The following CFAP299 variants were observed in gnomAD, a reference collection of about 807,000 sequenced individuals.
The protein encoded by CFAP299 is cilia and flagella associated protein 299, also known as cilia- and flagella-associated protein 299.
CFAP299 carries 21 observed loss-of-function variants against 27.0 expected under a neutral mutation model. That is an observed-to-expected ratio of 0.78 (90% CI 0.55 to 1.12). CFAP299 has a LOEUF of 1.12. Among genes scored for constraint, CFAP299 ranks in the 50% most tolerant of loss-of-function variants. The pLI is 0.00. For synonymous variants in CFAP299, 104 were observed against 98.1 expected (o/e 1.06, Z -0.36); for missense variants, 310 against 276.6 (o/e 1.12, Z -0.86).
chr4:80,615,204 A>G (rs951337074), intron 3 of CFAP299, among the ~76,000 whole-genome samples: 2 of 152,188 alleles, frequency 1.3e-5, no homozygotes, highest in African/African-American at 2.4e-5. Flanking sequence ...TTAGTTTAGT[A>G]GACTTTAGGA....
chr4:80,486,690 C>A (rs1478481162), intron 2 of CFAP299, among the ~76,000 whole-genome samples: 1 of 152,220 alleles, frequency 6.6e-6, no homozygotes, highest in Non-Finnish European at 1.5e-5. Flanking sequence ...GTACACCCTA[C>A]CTGAAGGTTG....
intron 3 of CFAP299, among the ~76,000 whole-genome samples, chr4:80,863,678 A>G (rs1732521494): frequency 6.6e-6 from 1 of 152,110 alleles, no homozygotes. Context: ...TTGCCAATAA[A>G]TAGATCCGTA....
intron 3 of CFAP299, among the ~76,000 whole-genome samples, chr4:80,734,255 T>C (rs1044952467): frequency 2.6e-5 from 4 of 152,212 alleles, no homozygotes; most frequent in Admixed American, 6.5e-5. Context: ...GCTTGCCATT[T>C]GTATGACTTC....
intron 3 of CFAP299, 55 bp downstream of exon 3, chr4:80,583,238 A>T: frequency 1.0e-6 from 1 of 1,001,798 alleles, no homozygotes. Context: ...CACAATTAAT[A>T]TTAAAAAATG....
intron 3 of CFAP299, among the ~76,000 whole-genome samples, chr4:80,768,947 A>T (rs1726051736): frequency 6.6e-6 from 1 of 152,186 alleles, no homozygotes. Context: ...GGACTGACTG[A>T]TGCTGTCTGA....
At chr4:80,501,709 AAG>A (rs1307266071) in intron 2 of CFAP299, among the ~76,000 whole-genome samples, 1 of 151,586 alleles carries the variant, frequency 6.6e-6, no homozygotes, top group African/African-American at 2.4e-5. Flanking sequence ...ACACAGAAAA[AAG>A]TTTCTACAGT....
chr4:80,940,642 G>C (rs1182169005), intron 4 of CFAP299, among the ~76,000 whole-genome samples: 4 of 152,134 alleles, frequency 2.6e-5, no homozygotes, highest in Non-Finnish European at 2.9e-5. Flanking sequence ...TTATCTTGCT[G>C]ATGTCCCTCT....
At position 80,871,560 on chromosome 4, in the gene CFAP299, T is replaced by C. The variant is rs921205599; in HGVS notation, c.476+1425T>C. 62 of 985,342 alleles carry C rather than the reference T, an allele frequency of 6.3e-5. 1 individual carries two copies. In the African/African-American group the frequency reaches 1.1e-3, roughly 17 times the overall value. The allele number at this position is 985,342 out of a possible 1,614,324, so 61.0% of individuals were successfully genotyped here. On this transcript the variant is annotated intron_variant, in intron 4 of 5. Transcript: ENST00000358105. The stretch of plus-strand genomic sequence containing the variant: ...TGCTATTGCTTCTGTGTCACCTGTC[T>C]TGGCAAATGGCATCACCCTTGAAAC...
Position 80,598,179 on chromosome 4 carries a change from A to G in CFAP299, c.333+14996A>G, listed in dbSNP as rs78740022. 1.1e-4 allele frequency among the ~76,000 whole-genome samples: 17 copies of G among 152,342 alleles called. No homozygotes were observed. In the East Asian group the frequency reaches 3.3e-3, roughly 29 times the overall value. ...TAGATGTTATGCTAAAGAGTTTAGC[A>G]TAGATAAACAAGAAGCCTGAGGACA... On this transcript the variant is annotated intron_variant, in intron 3 of 5. Transcript: ENST00000358105.
chr4:80,764,684 G>A (rs1725751310), intron 3 of CFAP299, among the ~76,000 whole-genome samples: 1 of 152,076 alleles, frequency 6.6e-6, no homozygotes, highest in African/African-American at 2.4e-5. Flanking sequence ...GCAAAGACTT[G>A]GAACCAACCC....
intron 3 of CFAP299, among the ~76,000 whole-genome samples, chr4:80,828,533 C>T (rs1194899764): frequency 6.6e-6 from 1 of 151,974 alleles, no homozygotes; most frequent in Non-Finnish European, 1.5e-5. Flanking sequence ...GAAACTGGTT[C>T]CCTCATGGCT....
chr4:80,420,232 A>G (rs1011191158), intron 2 of CFAP299: 2 of 455,954 alleles, frequency 4.4e-6, no homozygotes, highest in African/African-American at 2.0e-5. Flanking sequence ...CTCTCAGTTA[A>G]TCTTTCCTAG....
chr4:80,573,875 T>A (rs191411138), intron 2 of CFAP299, among the ~76,000 whole-genome samples: 2 of 152,306 alleles, frequency 1.3e-5, no homozygotes, highest in African/African-American at 2.4e-5. Flanking sequence ...CATAGTATAA[T>A]TTGAAGTCAG....
At chr4:80,883,140 T>C (rs1733796094) in intron 4 of CFAP299, among the ~76,000 whole-genome samples, 1 of 152,156 alleles carries the variant, frequency 6.6e-6, no homozygotes, top group Non-Finnish European at 1.5e-5. Flanking sequence ...TTGACTCTAA[T>C]AACATTAAGC....
intron 2 of CFAP299, among the ~76,000 whole-genome samples, chr4:80,462,354 A>G (rs975096535): frequency 1.3e-5 from 2 of 152,134 alleles, no homozygotes; most frequent in Non-Finnish European, 2.9e-5. Flanking sequence ...GGAGCAGACT[A>G]TAGTAATCTA....
At chr4:80,602,117 G>T (rs1483969120) in intron 3 of CFAP299, among the ~76,000 whole-genome samples, 1 of 152,022 alleles carries the variant, frequency 6.6e-6, no homozygotes, top group Non-Finnish European at 1.5e-5. Flanking sequence ...TGGGTACTAG[G>T]CTAAATACCT....
intron 4 of CFAP299, among the ~76,000 whole-genome samples, chr4:80,931,661 G>T (rs748583250): frequency 6.6e-6 from 1 of 151,904 alleles, no homozygotes; most frequent in East Asian, 1.9e-4. Flanking sequence ...GCACAGGGAG[G>T]CTTTATTTCA....
intron 2 of CFAP299, among the ~76,000 whole-genome samples, chr4:80,498,923 A>C (rs1731592239): frequency 1.3e-5 from 2 of 152,206 alleles, no homozygotes; most frequent in African/African-American, 4.8e-5. Context: ...CATAAACAAG[A>C]GTGAGATCAT....
intron 3 of CFAP299, among the ~76,000 whole-genome samples, chr4:80,692,813 TATCCAGAATCTATAATGAACTCAAAC>T (rs1720817120): frequency 6.6e-6 from 1 of 152,156 alleles, no homozygotes; most frequent in Non-Finnish European, 1.5e-5. Flanking sequence ...AAAGGGCTGA[TATCCAGAATCTATAATGAACTCAAAC>T]AAATTTACAA....
Sources: gnomAD v4.1 joint callset for allele counts (sites outside exome capture counted in the v4.1 genomes callset) on GRCh38, gnomAD v4.1.1 for gene constraint, MANE v1.5 for transcripts, NCBI Gene and HGNC (gene_info 2026-07-23, HGNC 2026-07-21) for gene names.